Variants in CLVS1 observed in about 807,000 individuals in gnomAD.
CLVS1 encodes clavesin-1.
A neutral mutation model predicts 33.1 loss-of-function variants in CLVS1; 10 were observed. The ratio of observed to expected loss-of-function variants is 0.30; its 90% CI spans 0.19 to 0.51. The LOEUF (loss-of-function observed/expected upper bound fraction) is 0.51. Ranked by LOEUF, CLVS1 falls within the 20% of genes least tolerant of loss-of-function variation. CLVS1 has a pLI of 0.97. For synonymous variants in CLVS1, 163 were observed against 166.1 expected (o/e 0.98, Z 0.14); for missense variants, 343 against 433.4 (o/e 0.79, Z 1.85).
chr8:61,044,239 G>C, the CLVS1 span, among the ~76,000 whole-genome samples: 1 of 152,196 alleles, frequency 6.6e-6, no homozygotes, highest in Non-Finnish European at 1.5e-5. Flanking sequence ...TAGAACCTGT[G>C]GTTCTGGGGC....
chr8:61,368,255 A>T (rs4737584), intron 2 of CLVS1, among the ~76,000 whole-genome samples: 73,908 of 152,040 alleles, frequency 0.49, 18,240 homozygotes, highest in East Asian at 0.65. Context: ...AAAAATATCC[A>T]GGCAGATTGG....
chr8:61,382,517 A>G (rs1000898020), intron 3 of CLVS1, among the ~76,000 whole-genome samples: 3 of 152,334 alleles, frequency 2.0e-5, no homozygotes, highest in Admixed American at 2.0e-4. Flanking sequence ...TGCCCCAGAC[A>G]TACTGAATCA....
At chr8:61,099,432 G>A (rs1265542222) in intron 1 of CLVS1, among the ~76,000 whole-genome samples, 1 of 151,930 alleles carries the variant, frequency 6.6e-6, no homozygotes, top group Non-Finnish European at 1.5e-5. Flanking sequence ...TATTTTTCGA[G>A]TATTTATTAT....
chr8:61,078,144 C>T (rs1804959683), intron 1 of CLVS1, among the ~76,000 whole-genome samples: 1 of 152,090 alleles, frequency 6.6e-6, no homozygotes, highest in Non-Finnish European at 1.5e-5. Context: ...TGTGTGTCTC[C>T]GGGGCGCATG....
intron 3 of CLVS1, among the ~76,000 whole-genome samples, chr8:61,436,041 T>C (rs1031208304): frequency 2.6e-5 from 4 of 152,190 alleles, no homozygotes; most frequent in Non-Finnish European, 5.9e-5. Context: ...AAGTGTGTAA[T>C]TATCTACACA....
chr8:61,354,957 C>G (rs529623979), intron 2 of CLVS1, among the ~76,000 whole-genome samples: 1 of 152,264 alleles, frequency 6.6e-6, no homozygotes, highest in Admixed American at 6.5e-5. Context: ...TATACACATG[C>G]ACACATACAA....
intron 2 of CLVS1, among the ~76,000 whole-genome samples, chr8:61,210,329 G>A (rs1008409160): frequency 1.3e-5 from 2 of 152,174 alleles, no homozygotes; most frequent in Non-Finnish European, 2.9e-5. Flanking sequence ...AGCCCTCACC[G>A]GACACTGAAA....
At chr8:61,403,259 A>T (rs1814838977) in intron 3 of CLVS1, among the ~76,000 whole-genome samples, 1 of 152,208 alleles carries the variant, frequency 6.6e-6, no homozygotes, top group Non-Finnish European at 1.5e-5. Context: ...AAGTAAAGTG[A>T]CTGGGAATAG....
rs577689997 is a variant in CLVS1, at chr8:61,118,288, G to T, written c.-242-13482G>T. ...TTTTTTCTTTATTAGTCTTGCTAGC[G>T]GTCTATCAGTTTTGTTGATCCTTTC... On this transcript the variant is annotated intron_variant, in intron 1 of 2. Coordinates refer to the CLVS1 transcript ENST00000522621. Among the ~76,000 whole-genome samples, 4 of 152,060 alleles carry T rather than the reference G, an allele frequency of 2.6e-5. No homozygotes were observed. The South Asian group carries it at 8.3e-4, about 32-fold the overall frequency.
At chr8:61,244,358 T>TA (rs1403842754) in intron 2 of CLVS1, among the ~76,000 whole-genome samples, 7 of 152,104 alleles carry the variant, frequency 4.6e-5, no homozygotes, top group Admixed American at 3.9e-4. Flanking sequence ...ATACTCTCCA[T>TA]AAAAAAATTA....
chr8:61,397,617 C>T (rs545247116), intron 3 of CLVS1, among the ~76,000 whole-genome samples: 7 of 152,182 alleles, frequency 4.6e-5, no homozygotes, highest in Middle Eastern at 3.4e-3. Context: ...AGATGATTGA[C>T]GCCTATGTTT....
the CLVS1 span, among the ~76,000 whole-genome samples, chr8:61,021,223 G>A: frequency 2.0e-5 from 3 of 152,256 alleles, no homozygotes; most frequent in African/African-American, 7.2e-5. Flanking sequence ...CAATGGAGGA[G>A]TCGGGCACAA....
chr8:61,435,195 T>C (rs1446440873), intron 3 of CLVS1, among the ~76,000 whole-genome samples: 1 of 152,178 alleles, frequency 6.6e-6, no homozygotes, highest in African/African-American at 2.4e-5. Context: ...ACTTGAAATA[T>C]GGATCCTAGG....
At chr8:61,374,456 G>T (rs1380691275) in intron 2 of CLVS1, among the ~76,000 whole-genome samples, 2 of 152,092 alleles carry the variant, frequency 1.3e-5, no homozygotes, top group African/African-American at 4.8e-5. Context: ...TACCAATTGG[G>T]CATTTCCATT....
intron 2 of CLVS1, among the ~76,000 whole-genome samples, chr8:61,165,372 G>C (rs1013597805): frequency 6.6e-6 from 1 of 152,226 alleles, no homozygotes; most frequent in South Asian, 2.1e-4. Context: ...CATACAAGGG[G>C]AGGGGACCCA....
chr8:61,423,094 AT>A (rs1417395455), intron 3 of CLVS1, among the ~76,000 whole-genome samples: 1 of 152,164 alleles, frequency 6.6e-6, no homozygotes, highest in African/African-American at 2.4e-5. Context: ...CATTGTCAGA[AT>A]GAGCCCAATG....
chr8:61,186,468 G>A (rs998946210), intron 2 of CLVS1, among the ~76,000 whole-genome samples: 1 of 152,156 alleles, frequency 6.6e-6, no homozygotes, highest in Non-Finnish European at 1.5e-5. Flanking sequence ...AGGATGCATT[G>A]GGATGTGTGA....
chr8:61,192,459 G>A (rs1807507317), intron 2 of CLVS1, among the ~76,000 whole-genome samples: 1 of 147,702 alleles, frequency 6.8e-6, no homozygotes, highest in South Asian at 2.2e-4. Context: ...CAGGCCAGAG[G>A]CATGGGCAAG....
intron 1 of CLVS1, among the ~76,000 whole-genome samples, chr8:61,112,298 A>G (rs1805643995): frequency 6.6e-6 from 1 of 151,992 alleles, no homozygotes; most frequent in Non-Finnish European, 1.5e-5. Context: ...GGCCTACTTG[A>G]TCATGGTGTA....
Sources: gnomAD v4.1 joint callset for allele counts (sites outside exome capture counted in the v4.1 genomes callset) on GRCh38, gnomAD v4.1.1 for gene constraint, MANE v1.5 for transcripts, NCBI Gene and HGNC (gene_info 2026-07-23, HGNC 2026-07-21) for gene names.